The following ZMAT4 variants were observed in gnomAD, a reference collection of about 807,000 sequenced individuals.
ZMAT4 encodes the protein zinc finger matrin-type 4.
In ZMAT4, 17 loss-of-function variants were observed where a neutral mutation model predicts 28.7. The ratio of observed to expected loss-of-function variants is 0.59; its 90% confidence interval spans 0.41 to 0.89. The LOEUF is 0.89. ZMAT4 is among the 40% of genes least tolerant of loss of function. The pLI, the probability that ZMAT4 is intolerant of heterozygous loss-of-function variation, is 0.00. For missense variants in ZMAT4, 240 were observed against 283.8 expected, an observed-to-expected ratio of 0.85 and a Z score of 1.11; for synonymous variants, 117 against 109.2, an observed-to-expected ratio of 1.07 and a Z score of -0.44.
intron 4 of ZMAT4, among the ~76,000 whole-genome samples, chr8:40,678,913 A>G (rs73611436): frequency 0.016 from 2,481 of 152,306 alleles, 69 homozygotes; most frequent in African/African-American, 0.056. Flanking sequence ...TTGGTCATGG[A>G]CTGCTGTCCT....
intron 3 of ZMAT4, among the ~76,000 whole-genome samples, chr8:40,717,937 A>T (rs1810925924): frequency 6.6e-6 from 1 of 152,196 alleles, no homozygotes. Context: ...AACATCTTAC[A>T]TAACTGTGAT....
At chr8:40,569,673 T>G (rs1189489811) in intron 6 of ZMAT4, among the ~76,000 whole-genome samples, 1 of 152,148 alleles carries the variant, frequency 6.6e-6, no homozygotes, top group Non-Finnish European at 1.5e-5. Context: ...TTTCTCCCTG[T>G]AAAACCGACT....
At chr8:40,857,092 G>A (rs1324688547) in intron 1 of ZMAT4, among the ~76,000 whole-genome samples, 1 of 152,214 alleles carries the variant, frequency 6.6e-6, no homozygotes, top group Non-Finnish European at 1.5e-5. Context: ...AATACCAGGA[G>A]CCTGGTTACC....
chr8:40,828,440 C>G (rs750014968), intron 1 of ZMAT4, among the ~76,000 whole-genome samples: 2 of 152,036 alleles, frequency 1.3e-5, no homozygotes, highest in Non-Finnish European at 2.9e-5. Context: ...AAATCAAACA[C>G]TGTGAAAGGA....
intron 3 of ZMAT4, among the ~76,000 whole-genome samples, chr8:40,721,615 T>A (rs1811097924): frequency 6.8e-6 from 1 of 147,984 alleles, no homozygotes; most frequent in African/African-American, 2.5e-5. Flanking sequence ...AGTGTTCCTA[T>A]TTCTCCACAT....
At chr8:40,613,185 T>TTTTC (rs1805868790) in intron 5 of ZMAT4, among the ~76,000 whole-genome samples, 1 of 134,688 alleles carries the variant, frequency 7.4e-6, no homozygotes. Flanking sequence ...TCTTTCTTTT[T>TTTTC]TTTTTTTTTT....
rs113968982 is a variant in ZMAT4, at chr8:40,753,015, G to C, written c.192+14626C>G. 8.0e-4 allele frequency among the ~76,000 whole-genome samples: 122 copies of C among 152,064 alleles called. 1 individual carries two copies. The highest frequency in any genetic ancestry group is 3.4e-3 in the Middle Eastern group (1 of 294). ...TAGGTTTTAAGCCCTGTATGCATTA[G>C]GTATTTGTCCTAATGCTCTCCCTCC... On this transcript the variant is annotated intron_variant, in intron 3 of 6. Coordinates refer to ENST00000297737, the MANE Select transcript of ZMAT4 (RefSeq NM_024645.3).
At chr8:40,794,977 G>C (rs1463200402) in intron 2 of ZMAT4, among the ~76,000 whole-genome samples, 2 of 152,094 alleles carry the variant, frequency 1.3e-5, no homozygotes, top group Non-Finnish European at 2.9e-5. Flanking sequence ...AGAAGAGGGA[G>C]GGTGACAGAT....
chr8:40,894,911 TA>T (rs1818818753), intron 1 of ZMAT4, among the ~76,000 whole-genome samples: 1 of 152,224 alleles, frequency 6.6e-6, no homozygotes, highest in South Asian at 2.1e-4. Flanking sequence ...ATAAAAATTT[TA>T]ATATGTTTTC....
At chr8:40,784,653 T>G (rs539312694) in intron 2 of ZMAT4, among the ~76,000 whole-genome samples, 1 of 152,154 alleles carries the variant, frequency 6.6e-6, no homozygotes, top group Admixed American at 6.5e-5. Context: ...AATCCATACA[T>G]AGACCCTTAA....
intron 2 of ZMAT4, among the ~76,000 whole-genome samples, chr8:40,796,222 C>T (rs890024287): frequency 6.6e-6 from 1 of 152,178 alleles, no homozygotes; most frequent in Non-Finnish European, 1.5e-5. Context: ...ACAGCAGGCT[C>T]CAAGAGGCTC....
At chr8:40,601,756 G>T (rs111846940) in intron 5 of ZMAT4, among the ~76,000 whole-genome samples, 10 of 152,036 alleles carry the variant, frequency 6.6e-5, no homozygotes, top group African/African-American at 2.4e-4. Flanking sequence ...GGCAGGCAAA[G>T]GTAGAAGGCA....
intron 2 of ZMAT4, among the ~76,000 whole-genome samples, chr8:40,780,600 GA>G (rs1813788537): frequency 6.6e-6 from 1 of 152,078 alleles, no homozygotes; most frequent in Admixed American, 6.5e-5. Flanking sequence ...TTTTAAATAA[GA>G]AAGATAAGTA....
At chr8:40,876,145 G>A (rs1217031487) in intron 1 of ZMAT4, among the ~76,000 whole-genome samples, 1 of 152,150 alleles carries the variant, frequency 6.6e-6, no homozygotes, top group Admixed American at 6.5e-5. Flanking sequence ...GGTTTGAACT[G>A]CAATGACCCG....
intron 3 of ZMAT4, among the ~76,000 whole-genome samples, chr8:40,757,067 A>T (rs1268335396): frequency 1.3e-5 from 2 of 152,182 alleles, no homozygotes; most frequent in East Asian, 3.9e-4. Flanking sequence ...GCCATTTTAA[A>T]CAGTGAAATC....
intron 3 of ZMAT4, among the ~76,000 whole-genome samples, chr8:40,698,223 C>T (rs4496956): frequency 0.44 from 67,501 of 151,920 alleles, 15,328 homozygotes; most frequent in Non-Finnish European, 0.49. Flanking sequence ...TCATTAAATG[C>T]TGCACAAAAT....
chr8:40,794,714 G>A (rs924875803), intron 2 of ZMAT4, among the ~76,000 whole-genome samples: 3 of 152,106 alleles, frequency 2.0e-5, no homozygotes, highest in African/African-American at 7.2e-5. Flanking sequence ...TTCCCCAGTG[G>A]ACACAGGTAT....
At chr8:40,871,643 C>G (rs538402082) in intron 1 of ZMAT4, among the ~76,000 whole-genome samples, 1 of 152,222 alleles carries the variant, frequency 6.6e-6, no homozygotes, top group South Asian at 2.1e-4. Context: ...GTACCATTGC[C>G]AATAGTGAGT....
intron 4 of ZMAT4, among the ~76,000 whole-genome samples, chr8:40,694,168 G>A (rs1406163687): frequency 1.3e-5 from 2 of 152,164 alleles, no homozygotes; most frequent in African/African-American, 4.8e-5. Context: ...CACGTGGAAG[G>A]TGAAGCCCTG....
Sources: gnomAD v4.1 joint callset for allele counts (sites outside exome capture counted in the v4.1 genomes callset) on GRCh38, gnomAD v4.1.1 for gene constraint, MANE v1.5 for transcripts, NCBI Gene and HGNC (gene_info 2026-07-23, HGNC 2026-07-21) for gene names.